The following A3GALT2 variants were observed in gnomAD, a reference collection of about 807,000 sequenced individuals.
A3GALT2 encodes the protein alpha 1,3-galactosyltransferase 2.
A neutral mutation model predicts 16.6 loss-of-function variants in A3GALT2; 14 were observed. That is an observed-to-expected ratio of 0.84 (90% CI 0.56 to 1.32). A3GALT2 has a LOEUF of 1.32. A3GALT2 is among the 40% of genes most tolerant of loss of function. The pLI, the probability that A3GALT2 is intolerant of heterozygous loss-of-function variation, is 0.00. For missense variants in A3GALT2, 600 were observed against 490.9 expected (o/e 1.22, Z -2.10); for synonymous variants, 253 against 218.0 (o/e 1.16, Z -1.42).
intron 1 of A3GALT2, among the ~76,000 whole-genome samples, chr1:33,316,531 G>A (rs186888888): frequency 6.1e-4 from 92 of 151,992 alleles, no homozygotes; most frequent in Admixed American, 2.6e-3. Flanking sequence ...CCATGGTGGG[G>A]TGGCAGGGAG....
chr1:33,308,656 T>C (rs1646215317), intron 4 of A3GALT2, among the ~76,000 whole-genome samples: 1 of 150,860 alleles, frequency 6.6e-6, no homozygotes, highest in African/African-American at 2.5e-5. Context: ...TCCTCCCGTC[T>C]CGGGCCTCCC....
chr1:33,319,026 C>T (rs4653027), intron 1 of A3GALT2, among the ~76,000 whole-genome samples: 61,835 of 152,062 alleles, frequency 0.41, 14,384 homozygotes, highest in African/African-American at 0.66. Flanking sequence ...ATCCCAGACA[C>T]TGAGACGGAT....
intron 1 of A3GALT2, among the ~76,000 whole-genome samples, chr1:33,319,328 C>G (rs4652839): frequency 0.72 from 108,989 of 152,104 alleles, 39,799 homozygotes; most frequent in African/African-American, 0.86. Context: ...CACAATACCT[C>G]AGGGCAGCGC....
intron 4 of A3GALT2, among the ~76,000 whole-genome samples, chr1:33,310,406 TAAG>T (rs1478282139): frequency 6.6e-6 from 1 of 152,236 alleles, no homozygotes; most frequent in Non-Finnish European, 1.5e-5. Context: ...GCTATAATAA[TAAG>T]TTGTTTTAAG....
intron 1 of A3GALT2, among the ~76,000 whole-genome samples, chr1:33,319,503 C>G (rs773780906): frequency 8.2e-4 from 125 of 152,292 alleles, no homozygotes; most frequent in South Asian, 1.9e-3. Context: ...TCCCTCTTTG[C>G]TACACATATA....
At chr1:33,319,954 G>A (rs1358693309) in intron 1 of A3GALT2, among the ~76,000 whole-genome samples, 2 of 151,996 alleles carry the variant, frequency 1.3e-5, no homozygotes, top group African/African-American at 2.4e-5. Flanking sequence ...TTTGCACGGC[G>A]GGTAATGGGT....
intron 4 of A3GALT2, among the ~76,000 whole-genome samples, chr1:33,309,072 C>T (rs1646219047): frequency 1.3e-5 from 2 of 151,768 alleles, no homozygotes; most frequent in South Asian, 4.2e-4. Context: ...TTTCAGAGAG[C>T]ACGGGGTTGG....
Position 33,320,975 on chromosome 1 carries a change from C to G in A3GALT2, c.23+101G>C. 6.7e-7 allele frequency: 1 copy of G among 1,500,020 alleles called. No individual in the cohort carries two copies. The allele number at this position is 1,500,020 out of a possible 1,614,324, so 92.9% of individuals were successfully genotyped here. ...CTCAGCTGGTACTCCTGGGCTCACT[C>G]TGGTGCCTCCCCTTGGTACTGTTTT... is the stretch of plus-strand genomic sequence containing the variant. On this transcript the variant is annotated intron_variant, in intron 1 of 4. Transcript: ENST00000442999. The surrounding 1 kb of genome is among the most constrained non-coding windows in gnomAD (Gnocchi z 4.3).
At chr1:33,315,226 A>G (rs960504225) in intron 1 of A3GALT2, among the ~76,000 whole-genome samples, 3 of 152,162 alleles carry the variant, frequency 2.0e-5, no homozygotes, top group African/African-American at 7.2e-5. Flanking sequence ...TACTAAAAAT[A>G]CAAAAATTAG....
At chr1:33,313,355 T>TC (rs1646245794) in intron 1 of A3GALT2, 3 of 151,574 alleles carry the variant, frequency 2.0e-5, no homozygotes. Flanking sequence ...TTTTTTTTTT[T>TC]AGAGATGGGG....
At position 33,307,176 on chromosome 1, in the gene A3GALT2, T is replaced by C. The variant is rs748407090; in HGVS notation, c.613A>G (p.Ser205Gly). The change falls in exon 5 of 5, where the codon AGC (serine) becomes GGC (glycine). Residue 205 changes from serine to glycine, a missense_variant. Coordinates refer to ENST00000442999, the MANE Select transcript of A3GALT2 (RefSeq NM_001080438.1). ...MFCMDVDQHFSGTFGPEALAE... is the reference protein window; with the variant it reads ...MFCMDVDQHFGGTFGPEALAE... ...AGCGCCTCGGGCCCAAAAGTGCCGC[T>C]GAAGTGCTGGTCCACGTCCATGCAG... 1 of 1,551,978 alleles carries C rather than the reference T, an allele frequency of 6.4e-7. No homozygotes were observed. Among genetic ancestry groups the C allele is most frequent in the Non-Finnish European group, 8.7e-7 (1 of 1,152,426 alleles).
rs371440057 is a variant in A3GALT2 at position 33,307,173 on chromosome 1, C to A, written c.616G>T (p.Gly206Cys). 6.4e-7 allele frequency: 1 copy of A among 1,551,986 alleles called. No individual in the cohort carries two copies. Among genetic ancestry groups the A allele is most frequent in the Non-Finnish European group, 8.7e-7 (1 of 1,152,444 alleles). Residue 206 changes from glycine to cysteine, a missense_variant, in exon 5 of 5, where the codon GGC becomes TGC. Physicochemically the swap from Gly to Cys is radical, Grantham distance 159. Transcript: ENST00000442999. The stretch of plus-strand genomic sequence containing the variant: ...GCCAGCGCCTCGGGCCCAAAAGTGC[C>A]GCTGAAGTGCTGGTCCACGTCCATG... ...FCMDVDQHFSGTFGPEALAES... is the reference protein window; with the variant it reads ...FCMDVDQHFSCTFGPEALAES...
At chr1:33,317,246 A>G (rs537804553) in intron 1 of A3GALT2, among the ~76,000 whole-genome samples, 2 of 152,354 alleles carry the variant, frequency 1.3e-5, no homozygotes, top group Middle Eastern at 3.4e-3. Flanking sequence ...GGAACATGAA[A>G]GGAAAAAAGC....
intron 4 of A3GALT2, among the ~76,000 whole-genome samples, 194 bp downstream of exon 4, chr1:33,311,858 G>A (rs540632842): frequency 1.3e-5 from 2 of 152,354 alleles, no homozygotes; most frequent in South Asian, 4.1e-4. Context: ...GCTCTATGGT[G>A]TTGGTGTCCA....
At chr1:33,313,174 AGT>A in intron 1 of A3GALT2, 1 of 6,506 alleles carries the variant, frequency 1.5e-4, no homozygotes. Context: ...TCAGTGACGG[AGT>A]TTTTTTTTTT....
chr1:33,312,660 G>T, intron 2 of A3GALT2, 70 bp from the exon 3 acceptor site: 1 of 1,477,790 alleles, frequency 6.8e-7, no homozygotes, highest in Non-Finnish European at 9.3e-7. Flanking sequence ...GAGCCCTCTG[G>T]CTTTGCTTCT....
chr1:33,316,339 C>T (rs1022136667), intron 1 of A3GALT2, among the ~76,000 whole-genome samples: 23 of 151,988 alleles, frequency 1.5e-4, no homozygotes, highest in East Asian at 5.8e-4. Context: ...ATGTCAGGCT[C>T]GGGGAATTGG....
In A3GALT2 at chr1:33,320,870, C is replaced by T. The variant is rs1274400181; in HGVS notation, c.23+206G>A. 3.9e-5 allele frequency among the ~76,000 whole-genome samples: 6 copies of T among 152,050 alleles called. No homozygotes were observed. Among genetic ancestry groups the T allele is most frequent in the Middle Eastern group, 3.4e-3 (1 of 294 alleles). On this transcript the variant is annotated intron_variant, in intron 1 of 4. Transcript: ENST00000442999. The surrounding 1 kb of genome is among the most constrained non-coding windows in gnomAD (Gnocchi z 4.3). Reference sequence around the variant, plus strand: ...TTGTGGAATACAACCTCCCCCACCCCGGTGTCCATGCACACGGATTGTCTT... The same window carrying T: ...TTGTGGAATACAACCTCCCCCACCCTGGTGTCCATGCACACGGATTGTCTT...
intron 1 of A3GALT2, among the ~76,000 whole-genome samples, chr1:33,317,435 G>C (rs761453385): frequency 7.9e-5 from 12 of 152,176 alleles, no homozygotes; most frequent in Non-Finnish European, 1.3e-4. Flanking sequence ...AAAATTCAAA[G>C]TTAGCAATTT....
Sources: gnomAD v4.1 joint callset for allele counts (sites outside exome capture counted in the v4.1 genomes callset) on GRCh38, gnomAD v4.1.1 for gene constraint, Gnocchi (gnomAD v3.1) non-coding constraint, MANE v1.5 for transcripts, NCBI Gene and HGNC (gene_info 2026-07-23, HGNC 2026-07-21) for gene names.